RPS27A: variants seen among roughly 807,000 people sequenced by gnomAD.
RPS27A encodes ribosomal protein S27a.
Under a neutral mutation model 18.9 loss-of-function variants are expected in RPS27A, and 1 was observed. The observed-to-expected ratio is 0.05, with a 90% CI of 0.02 to 0.25. RPS27A has a LOEUF of 0.25. RPS27A is among the 10% of genes least tolerant of loss of function. The pLI, the probability that RPS27A is intolerant of heterozygous loss-of-function variation, is 1.00. For missense variants in RPS27A, 123 were observed against 187.4 expected (o/e 0.66, Z 2.01); for synonymous variants, 77 against 63.7 (o/e 1.21, Z -0.99).
At chr2:55,234,289 T>G in intron 4 of RPS27A, 85 bp downstream of exon 4, 1 of 961,412 alleles carries the variant, frequency 1.0e-6, no homozygotes. Context: ...AGACAGGCTC[T>G]GACTCTGTCA....
Position 55,235,613 on chromosome 2 carries a change from A to G in RPS27A, c.*36A>G. On this transcript the variant is annotated 3_prime_UTR_variant, in exon 6 of 6. Transcript: ENST00000272317. ...TAATAAAAGACATGAACTAACATTTATTGTTGGGTTTTATTGCAGTAAAAA... is the reference window on the plus strand; with the variant it reads ...TAATAAAAGACATGAACTAACATTTGTTGTTGGGTTTTATTGCAGTAAAAA... 1 of 1,596,778 alleles carries G rather than the reference A, an allele frequency of 6.3e-7. No individual in the cohort carries two copies. The highest frequency in any genetic ancestry group is 8.5e-7 in the Non-Finnish European group (1 of 1,178,546).
At chr2:55,233,157 C>T (rs528894828) in intron 2 of RPS27A, 10 of 653,118 alleles carry the variant, frequency 1.5e-5, no homozygotes, top group Admixed American at 7.2e-5. Context: ...ACGTGTGGCC[C>T]TGCGGCCGCC....
At chr2:55,235,357 T>A in intron 5 of RPS27A, 71 bp from the exon 6 acceptor site, 1 of 1,552,786 alleles carries the variant, frequency 6.4e-7, no homozygotes, top group Non-Finnish European at 8.9e-7. Context: ...AGCTTAAATA[T>A]TTTGAGTCAC....
Position 55,233,390 on chromosome 2 carries a change from G to A in RPS27A, c.76G>A (p.Val26Ile), listed in dbSNP as rs979678093. The change falls in exon 3 of 6, where the codon GTA (valine) becomes ATA (isoleucine). Residue 26 changes from valine to isoleucine, a missense_variant. By Grantham distance (29) the Val-to-Ile change is conservative. Around this residue, in one of 2 missense-constraint regions of RPS27A, gnomAD observed 66 missense variants for 72.6 expected, o/e 0.91. Coordinates refer to ENST00000272317, the MANE Select transcript of RPS27A (RefSeq NM_002954.6). ...EVEPSDTIENVKAKIQDKEGI... is the reference protein window; with the variant it reads ...EVEPSDTIENIKAKIQDKEGI... Reference sequence around the variant, plus strand: ...TGAACCCTCGGATACGATAGAAAATGTAAAGGCCAAGATCCAGGATAAGGA... The same window carrying A: ...TGAACCCTCGGATACGATAGAAAATATAAAGGCCAAGATCCAGGATAAGGA... The A allele has an allele frequency of 7.4e-6, 12 of 1,613,526 alleles. No individual in the cohort carries two copies. In the Admixed American group the frequency reaches 1.2e-4, roughly 16 times the overall value.
chr2:55,234,383 G>A (rs1675687305), intron 4 of RPS27A, 179 bp downstream of exon 4: 2 of 624,296 alleles, frequency 3.2e-6, no homozygotes, highest in Admixed American at 2.7e-5. Context: ...TCCTGTAGTT[G>A]GAACTATAGG....
upstream of RPS27A, chr2:55,232,216 A>C (rs1454832832): frequency 1.8e-5 from 3 of 165,934 alleles, no homozygotes; most frequent in Non-Finnish European, 2.7e-5. Context: ...ATTCCGCTTC[A>C]TCCTACCTCC....
chr2:55,235,115 C>A lies in RPS27A; in HGVS notation c.321+153C>A, dbSNP rs1445586296. 7.9e-6 allele frequency: 7 copies of A among 884,922 alleles called. No individual in the cohort carries two copies. In the Admixed American group the frequency reaches 1.2e-4, roughly 15 times the overall value. 54.8% of individuals were successfully genotyped at this position (884,922 alleles called of 1,614,324 possible). A position where few individuals can be genotyped will look rare whatever the true frequency, so the allele number is the denominator to read the frequency against. On this transcript the variant is annotated intron_variant, in intron 5 of 5. Transcript: ENST00000272317. ...GTATTCTGGAAATGAGAAATTCAGA[C>A]TTTCTGGGGTTTTTCCTGTTTGGTA...
chr2:55,234,253 G>A, intron 4 of RPS27A, 49 bp downstream of exon 4: 1 of 1,391,796 alleles, frequency 7.2e-7, no homozygotes, highest in Non-Finnish European at 1.0e-6. Flanking sequence ...ATGTTATTTT[G>A]GAAATTTTTT....
upstream of RPS27A, chr2:55,232,505 T>A (rs528351807): frequency 5.7e-5 from 26 of 458,096 alleles, no homozygotes; most frequent in South Asian, 1.3e-4. Flanking sequence ...TTCGAAAGCA[T>A]TCCGAAGGCT....
At chr2:55,234,694 T>A in intron 4 of RPS27A, 137 bp from the exon 5 acceptor site, 1 of 939,320 alleles carries the variant, frequency 1.1e-6, no homozygotes, top group Non-Finnish European at 1.7e-6. Context: ...ATCTGATACT[T>A]TATTGGGTTT....
At chr2:55,233,910 G>T in intron 3 of RPS27A, 1 of 619,862 alleles carries the variant, frequency 1.6e-6, no homozygotes, top group South Asian at 1.9e-5. Flanking sequence ...TATTACAGGT[G>T]TCAGCCACTG....
intron 4 of RPS27A, chr2:55,234,577 A>G (rs889225970): frequency 8.8e-6 from 5 of 570,388 alleles, no homozygotes; most frequent in East Asian, 3.1e-5. Context: ...TCCTATACTG[A>G]TACTTGAGAA....
Position 55,234,124 on chromosome 2 carries a change from C to T in RPS27A, c.109C>T (p.Pro37Ser), listed in dbSNP as rs779482327. The T allele has an allele frequency of 5.0e-6, 8 of 1,612,642 alleles. No homozygotes were observed. Among genetic ancestry groups the T allele is most frequent in the Non-Finnish European group, 5.9e-6 (7 of 1,178,754 alleles). Residue 37 changes from proline to serine, a missense_variant, in exon 4 of 6, where the codon CCT becomes TCT. Physicochemically the swap from Pro to Ser is moderately conservative, Grantham distance 74. Transcript: ENST00000272317. Reference sequence around the variant, plus strand: ...TTTTTGTTTTTTGTCATTAGGAATTCCTCCTGATCAGCAGAGACTGATCTT... The same window carrying T: ...TTTTTGTTTTTTGTCATTAGGAATTTCTCCTGATCAGCAGAGACTGATCTT... The part of the protein sequence containing the change: ...KAKIQDKEGI[P>S]PDQQRLIFAG...
rs748036220 is a variant in RPS27A at position 55,234,833 on chromosome 2, G to A, written c.192G>A (p.Glu64=). 2 of 1,612,006 alleles carry A rather than the reference G, an allele frequency of 1.2e-6. No individual in the cohort carries two copies. The highest frequency in any genetic ancestry group is 1.1e-5 in the South Asian group (1 of 90,988). ...RTLSDYNIQK[E]STLHLVLRLR... Reference sequence around the variant, plus strand: ...TTGCTTCATTCTTCCATTAACAGGAGTCTACTCTTCATCTTGTGTTGAGAC... The same window carrying A: ...TTGCTTCATTCTTCCATTAACAGGAATCTACTCTTCATCTTGTGTTGAGAC... The change falls in exon 5 of 6, where the codon GAG becomes GAA. Residue 64 remains glutamate (E), a splice_region_variant and synonymous_variant. Transcript: ENST00000272317.
At position 55,234,822 on chromosome 2, in the gene RPS27A, C is replaced by G. The variant is rs531352344; in HGVS notation, c.190-9C>G. ...ATCATGAAAGCTTGCTTCATTCTTC[C>G]ATTAACAGGAGTCTACTCTTCATCT... On this transcript the variant is annotated splice_polypyrimidine_tract_variant and intron_variant, in intron 4 of 5. Transcript: ENST00000272317. The G allele has an allele frequency of 1.9e-6, 3 of 1,611,876 alleles. No homozygotes were observed. The highest frequency in any genetic ancestry group is 1.7e-6 in the Non-Finnish European group (2 of 1,179,880).
intron 2 of RPS27A, chr2:55,233,093 T>A (rs1675570138): frequency 3.1e-6 from 2 of 645,344 alleles, no homozygotes; most frequent in Non-Finnish European, 5.6e-6. Flanking sequence ...GCTAGTTAGT[T>A]AAAACGGAGG....
Position 55,232,879 on chromosome 2 carries a change from G to A in RPS27A, c.48+7G>A. The A allele has an allele frequency of 1.2e-6, 2 of 1,612,000 alleles. No homozygotes were observed. Among genetic ancestry groups the A allele is most frequent in the East Asian group, 4.5e-5 (2 of 44,860 alleles). On this transcript the variant is annotated splice_region_variant and intron_variant, in intron 2 of 5. Coordinates refer to ENST00000272317, the MANE Select transcript of RPS27A (RefSeq NM_002954.6). ...GAAGACCATCACCCTCGAGGTACGGGCCGGGTGGTCATGAGGAAGCCAAGG... is the reference window on the plus strand; with the variant it reads ...GAAGACCATCACCCTCGAGGTACGGACCGGGTGGTCATGAGGAAGCCAAGG...
rs112330410 is a variant in RPS27A at position 55,234,233 on chromosome 2, T to TA, written c.189+39dup. ...TGTCTAGGGGAAGAGCAGCCTCTTT[T>TA]AAAAAAAAAATGTTATTTTGGAAAT... On this transcript the variant is annotated intron_variant, in intron 4 of 5. Transcript: ENST00000272317. 3.0e-3 allele frequency: 4,153 copies of TA among 1,384,840 alleles called. 12 individuals are homozygous for TA. Among genetic ancestry groups the TA allele is most frequent in the South Asian group, 0.012 (1,020 of 84,912 alleles). The allele number at this position is 1,384,840 out of a possible 1,614,324, so 85.8% of individuals were successfully genotyped here.
Position 55,235,557 on chromosome 2 carries a change from A to C in RPS27A, c.451A>C (p.Asn151His). Reference sequence around the variant, plus strand: ...CAAATGTTGTCTGACTTACTGTTTCAACAAACCAGAAGACAAGTAACTGTA... The same window carrying C: ...CAAATGTTGTCTGACTTACTGTTTCCACAAACCAGAAGACAAGTAACTGTA... ...CGKCCLTYCF[N>H]KPEDK Residue 151 changes from asparagine to histidine, a missense_variant, in exon 6 of 6, where the codon AAC (asparagine) becomes CAC (histidine). Coordinates refer to ENST00000272317, the MANE Select transcript of RPS27A (RefSeq NM_002954.6). 1.2e-6 allele frequency: 2 copies of C among 1,603,880 alleles called. No homozygotes were observed. The highest frequency in any genetic ancestry group is 4.5e-5 in the East Asian group (2 of 44,888).
Sources: allele counts gnomAD v4.1 joint callset, GRCh38; gene constraint gnomAD v4.1.1; regional missense constraint gnomAD v4.1.1; transcripts MANE v1.5; gene names NCBI Gene and HGNC (gene_info 2026-07-23, HGNC 2026-07-21).